The following STK3 variants were observed in gnomAD, a reference collection of about 807,000 sequenced individuals.
The protein encoded by STK3 is serine/threonine kinase 3, also known as serine/threonine-protein kinase 3.
STK3 carries 41 observed loss-of-function variants against 58.0 expected under a neutral mutation model. That is an observed-to-expected ratio of 0.71 (90% CI 0.55 to 0.92). The LOEUF (loss-of-function observed/expected upper bound fraction) is 0.92, where lower values mean the gene tolerates loss of function less well. Among genes scored for constraint, STK3 ranks in the 40% least tolerant of loss-of-function variants. The probability of loss-of-function intolerance (pLI) is 0.00; values close to 1 mark genes in which losing one functional copy is unlikely to be tolerated. For missense variants in STK3, 479 were observed against 602.7 expected, an observed-to-expected ratio of 0.79 and a Z score of 2.15; for synonymous variants, 170 against 191.0, an observed-to-expected ratio of 0.89 and a Z score of 0.91.
chr8:98,775,833 T>A (rs1831639729), intron 1 of STK3, among the ~76,000 whole-genome samples: 1 of 152,192 alleles, frequency 6.6e-6, no homozygotes, highest in African/African-American at 2.4e-5. Context: ...AGAGTAAATC[T>A]GTCAGCACGG....
intron 3 of STK3, among the ~76,000 whole-genome samples, chr8:98,834,284 G>A (rs1835666805): frequency 6.6e-6 from 1 of 152,122 alleles, no homozygotes; most frequent in South Asian, 2.1e-4. Flanking sequence ...GCTAACTGGA[G>A]TGCATATTCA....
intron 3 of STK3, among the ~76,000 whole-genome samples, chr8:98,756,584 T>C (rs963269901): frequency 6.6e-6 from 1 of 152,236 alleles, no homozygotes; most frequent in Non-Finnish European, 1.5e-5. Flanking sequence ...AGCTAGATTG[T>C]AGGGAAGCAA....
chr8:98,790,724 C>T (rs556326253), intron 1 of STK3, among the ~76,000 whole-genome samples: 4 of 152,290 alleles, frequency 2.6e-5, no homozygotes, highest in African/African-American at 9.6e-5. Flanking sequence ...GTGGCTCACG[C>T]CTGTAACCCC....
chr8:98,822,297 T>C (rs953175004), intron 1 of STK3, among the ~76,000 whole-genome samples: 1 of 152,190 alleles, frequency 6.6e-6, no homozygotes, highest in Non-Finnish European at 1.5e-5. Flanking sequence ...TTTTTCTTTT[T>C]GTTTTGTTTT....
At chr8:98,787,167 CAAAAAAAAAAAA>C (rs35568354) in intron 1 of STK3, among the ~76,000 whole-genome samples, 1 of 22,674 alleles carries the variant, frequency 4.4e-5, no homozygotes, top group Non-Finnish European at 7.3e-5. Flanking sequence ...GACTCCACCT[CAAAAAAAAAAAA>C]AAAAAAAAAA....
chr8:98,523,232 T>C (rs1017039212), intron 10 of STK3, among the ~76,000 whole-genome samples: 6 of 152,206 alleles, frequency 3.9e-5, no homozygotes, highest in African/African-American at 7.2e-5. Context: ...GTTTTGATAA[T>C]AGTCATTTGA....
At chr8:98,537,095 A>G (rs1809827817) in intron 9 of STK3, among the ~76,000 whole-genome samples, 1 of 152,208 alleles carries the variant, frequency 6.6e-6, no homozygotes, top group Non-Finnish European at 1.5e-5. Flanking sequence ...TAAATAAAAG[A>G]AGGAGTCTAT....
chr8:98,538,663 C>T (rs901567962), intron 9 of STK3, among the ~76,000 whole-genome samples: 1 of 152,154 alleles, frequency 6.6e-6, no homozygotes, highest in African/African-American at 2.4e-5. Flanking sequence ...TATGAAAATG[C>T]TTTCTTCCAA....
At chr8:98,505,264 C>T (rs1206899298) in intron 10 of STK3, among the ~76,000 whole-genome samples, 1 of 152,160 alleles carries the variant, frequency 6.6e-6, no homozygotes, top group African/African-American at 2.4e-5. Context: ...GTCTTCTCTA[C>T]ATGTTTATTC....
intron 3 of STK3, among the ~76,000 whole-genome samples, chr8:98,878,521 A>G (rs1837651743): frequency 6.6e-6 from 1 of 152,074 alleles, no homozygotes; most frequent in Non-Finnish European, 1.5e-5. Flanking sequence ...GCTCTGTCAT[A>G]ACCATTTTTC....
At chr8:98,400,498 A>ATCCCTGCCT (rs1817932270), downstream of STK3, among the ~76,000 whole-genome samples, 1 of 152,198 alleles carries the variant, frequency 6.6e-6, no homozygotes, top group Non-Finnish European at 1.5e-5. Flanking sequence ...TCTCACGCAG[A>ATCCCTGCCT]TCCCTGCCTT....
At chr8:98,481,110 A>G (rs1250512911) in intron 10 of STK3, among the ~76,000 whole-genome samples, 2 of 152,126 alleles carry the variant, frequency 1.3e-5, no homozygotes, top group Non-Finnish European at 2.9e-5. Context: ...TTGATACGAA[A>G]AAAAGTCACA....
chr8:98,379,473 A>T (rs1817710267), intron 1 of STK3, among the ~76,000 whole-genome samples: 1 of 152,192 alleles, frequency 6.6e-6, no homozygotes, highest in South Asian at 2.1e-4. Flanking sequence ...TGTTGCAGAA[A>T]CCTACACCAG....
chr8:98,525,639 T>C (rs1048430639), intron 10 of STK3, among the ~76,000 whole-genome samples: 4 of 152,070 alleles, frequency 2.6e-5, no homozygotes, highest in Non-Finnish European at 5.9e-5. Context: ...TACTACAATA[T>C]TGAAAAAATA....
At chr8:98,838,095 A>T (rs1276790555) in intron 3 of STK3, among the ~76,000 whole-genome samples, 1 of 150,892 alleles carries the variant, frequency 6.6e-6, no homozygotes, top group African/African-American at 2.4e-5. Flanking sequence ...AAAAAAAAAA[A>T]AGTCAGATGT....
chr8:98,595,143 T>C (rs934124297), intron 7 of STK3: 1 of 152,172 alleles, frequency 6.6e-6, no homozygotes, highest in Non-Finnish European at 1.5e-5. Flanking sequence ...AATATATGGA[T>C]TTTTATTTTA....
At chr8:98,437,966 T>C (rs1190887502) in intron 1 of STK3, 2 of 152,214 alleles carry the variant, frequency 1.3e-5, no homozygotes, top group Non-Finnish European at 2.9e-5. Flanking sequence ...TGAGGGCTAC[T>C]TTTGGAAAGA....
In STK3 at chr8:98,855,326, T is replaced by C. The variant is rs1460497630; in HGVS notation, c.110+28321A>G. ...TGTGGTGCAGGCACAAGGACAGACA[T>C]ATGGATCAGAGAGTCTAGAAATAAA... On this transcript the variant is annotated intron_variant, in intron 3 of 12. Transcript: ENST00000523601. Among the ~76,000 whole-genome samples the C allele has an allele frequency of 3.9e-5, 6 of 152,270 alleles. No individual in the cohort carries two copies. In the South Asian group the frequency reaches 8.3e-4, roughly 21 times the overall value.
rs540639899 is a variant in STK3 at position 98,847,706 on chromosome 8, T to TA, written c.110+35940_110+35941insT. Among the ~76,000 whole-genome samples the TA allele has an allele frequency of 2.1e-3, 324 of 151,968 alleles. 1 individual carries two copies. Among genetic ancestry groups the TA allele is most frequent in the African/African-American group, 7.4e-3 (306 of 41,292 alleles). On this transcript the variant is annotated intron_variant, in intron 3 of 12. Coordinates refer to the STK3 transcript ENST00000523601. Reference sequence around the variant, plus strand: ...AGCCAGGATCTTTTTCCCTCTTTTTTTAAAAAAAAGGTTTTTTTTTGTTTG... The same window carrying TA: ...AGCCAGGATCTTTTTCCCTCTTTTTTATAAAAAAAAGGTTTTTTTTTGTTTG...
Sources: allele counts gnomAD v4.1 joint callset (sites outside exome capture counted in the v4.1 genomes callset), GRCh38; gene constraint gnomAD v4.1.1; transcripts MANE v1.5; gene names NCBI Gene and HGNC (gene_info 2026-07-23, HGNC 2026-07-21).